The following PTPRT variants were observed in gnomAD, a reference collection of about 807,000 sequenced individuals.
The protein encoded by PTPRT is receptor-type tyrosine-protein phosphatase T.
PTPRT carries 56 observed loss-of-function variants against 176.8 expected under a neutral mutation model. That is an observed-to-expected ratio of 0.32 (90% CI 0.26 to 0.40). The LOEUF is 0.40. Ranked by LOEUF, PTPRT falls within the 10% of genes least tolerant of loss-of-function variation. PTPRT has a pLI of 1.00. For synonymous variants in PTPRT, 783 were observed against 739.0 expected, an observed-to-expected ratio of 1.06 and a Z score of -0.96; for missense variants, 1,540 against 1,908.2, an observed-to-expected ratio of 0.81 and a Z score of 3.60.
intron 13 of PTPRT, among the ~76,000 whole-genome samples, chr20:42,258,051 C>G (rs987115109): frequency 1.1e-4 from 16 of 151,990 alleles, no homozygotes; most frequent in African/African-American, 3.4e-4. Context: ...GGGGAGAGAC[C>G]GTTCAGCAGA....
intron 17 of PTPRT, among the ~76,000 whole-genome samples, chr20:42,149,995 A>G (rs527800421): frequency 6.6e-6 from 1 of 152,284 alleles, no homozygotes; most frequent in African/African-American, 2.4e-5. Context: ...CCATAGGACT[A>G]TGAAACCTAC....
intron 6 of PTPRT, among the ~76,000 whole-genome samples, chr20:42,751,262 C>G (rs979172034): frequency 6.6e-6 from 1 of 152,128 alleles, no homozygotes; most frequent in Non-Finnish European, 1.5e-5. Flanking sequence ...GACCTCCCAA[C>G]TGTGGAGTGG....
intron 8 of PTPRT, among the ~76,000 whole-genome samples, chr20:42,465,651 C>T (rs2071090546): frequency 6.6e-6 from 1 of 151,934 alleles, no homozygotes; most frequent in Admixed American, 6.5e-5. Context: ...GAAAGATCAA[C>T]CAGAAAGGAA....
At chr20:42,644,585 G>A (rs2074844802) in intron 7 of PTPRT, among the ~76,000 whole-genome samples, 1 of 152,096 alleles carries the variant, frequency 6.6e-6, no homozygotes. Flanking sequence ...AGAATAAGGT[G>A]TTTTGCATGG....
chr20:42,580,545 G>T (rs1322233619), intron 7 of PTPRT, among the ~76,000 whole-genome samples: 2 of 149,942 alleles, frequency 1.3e-5, no homozygotes, highest in African/African-American at 4.9e-5. Flanking sequence ...AGCATGGAAT[G>T]TTCTTCCATT....
At chr20:42,105,453 C>A (rs574693325) in intron 24 of PTPRT, among the ~76,000 whole-genome samples, 131 of 152,306 alleles carry the variant, frequency 8.6e-4, no homozygotes, top group African/African-American at 3.0e-3. Context: ...TCCCTCTTTT[C>A]CATACCTTTA....
In PTPRT at chr20:42,838,485, G is replaced by A. The variant is rs143874289; in HGVS notation, c.215-47019C>T. ...GGGAAGCTGGAGATTTCTTTCCTGA[G>A]ATCAATGAAACACTGGACATTGGAG... On this transcript the variant is annotated intron_variant, in intron 2 of 30. Coordinates refer to ENST00000373187, the MANE Select transcript of PTPRT (RefSeq NM_007050.6). 2.0e-3 allele frequency among the ~76,000 whole-genome samples: 307 copies of A among 152,286 alleles called. 1 individual carries two copies. Among genetic ancestry groups the A allele is most frequent in the Non-Finnish European group, 2.5e-3 (171 of 68,018 alleles).
At chr20:43,026,034 G>C (rs144498132) in intron 1 of PTPRT, among the ~76,000 whole-genome samples, 1 of 152,094 alleles carries the variant, frequency 6.6e-6, no homozygotes, top group Non-Finnish European at 1.5e-5. Flanking sequence ...GGGATGAATT[G>C]TGGCCCCCCC....
intron 11 of PTPRT, among the ~76,000 whole-genome samples, chr20:42,347,210 G>A (rs2058207156): frequency 1.3e-5 from 2 of 152,182 alleles, no homozygotes; most frequent in African/African-American, 4.8e-5. Context: ...TAATACAATG[G>A]AAGTAAAGGA....
intron 6 of PTPRT, among the ~76,000 whole-genome samples, chr20:42,752,862 G>A (rs1275791720): frequency 6.6e-6 from 1 of 152,014 alleles, no homozygotes; most frequent in African/African-American, 2.4e-5. Context: ...TGGGTCCCTG[G>A]GCACCCACTC....
intron 1 of PTPRT, among the ~76,000 whole-genome samples, chr20:42,905,635 C>T (rs1169029243): frequency 1.3e-5 from 2 of 152,292 alleles, no homozygotes; most frequent in African/African-American, 2.4e-5. Flanking sequence ...TATTGTGGCA[C>T]TATTCGCAAT....
intron 26 of PTPRT, among the ~76,000 whole-genome samples, chr20:42,098,950 G>T (rs113472091): frequency 2.0e-5 from 3 of 152,354 alleles, no homozygotes; most frequent in African/African-American, 7.2e-5. Context: ...CGAGGTTTTG[G>T]GTCGGCCTGA....
intron 2 of PTPRT, among the ~76,000 whole-genome samples, chr20:42,799,104 G>C (rs1442242522): frequency 3.3e-5 from 5 of 151,612 alleles, no homozygotes; most frequent in Non-Finnish European, 7.4e-5. Context: ...AAAAGAAGGA[G>C]AAAACAAAAG....
In PTPRT at chr20:42,315,308, T is replaced by C. The variant is rs73909273; in HGVS notation, c.2139+415A>G. On this transcript the variant is annotated intron_variant, in intron 12 of 30. Coordinates refer to ENST00000373187, the MANE Select transcript of PTPRT (RefSeq NM_007050.6). ...TATTAATCACTAATCAACTAAACCA[T>C]GATTAGTGCATTCCTAGATAGCAAA... is the stretch of plus-strand genomic sequence containing the variant. Among the ~76,000 whole-genome samples, 630 of 151,932 alleles carry C rather than the reference T, an allele frequency of 4.1e-3. 3 individuals are homozygous for C. Among genetic ancestry groups the C allele is most frequent in the African/African-American group, 0.014 (585 of 41,414 alleles).
At chr20:42,999,450 G>A (rs1207472967) in intron 1 of PTPRT, among the ~76,000 whole-genome samples, 3 of 151,832 alleles carry the variant, frequency 2.0e-5, no homozygotes. Flanking sequence ...GTGGGGGTGG[G>A]GAATAAAATG....
intron 9 of PTPRT, among the ~76,000 whole-genome samples, chr20:42,444,799 A>C (rs974359849): frequency 1.3e-5 from 2 of 152,218 alleles, no homozygotes; most frequent in African/African-American, 4.8e-5. Context: ...CTAATTTTAA[A>C]AATCAAATTG....
chr20:43,085,353 A>AC (rs755066773), intron 1 of PTPRT, among the ~76,000 whole-genome samples: 2 of 151,936 alleles, frequency 1.3e-5, no homozygotes, highest in African/African-American at 2.4e-5. Flanking sequence ...TGACAAAGCC[A>AC]CCCCATCACA....
chr20:42,069,983 T>C (rs1329008743), downstream of PTPRT, among the ~76,000 whole-genome samples: 1 of 152,194 alleles, frequency 6.6e-6, no homozygotes, highest in Non-Finnish European at 1.5e-5. Context: ...TCATTAAATT[T>C]CAAGAGAAAG....
At chr20:42,222,226 A>G (rs1485418436) in intron 15 of PTPRT, among the ~76,000 whole-genome samples, 1 of 152,160 alleles carries the variant, frequency 6.6e-6, no homozygotes, top group Non-Finnish European at 1.5e-5. Flanking sequence ...TTCTTCCTTC[A>G]TATGACCTGT....
Sources: allele counts gnomAD v4.1 joint callset (sites outside exome capture counted in the v4.1 genomes callset), GRCh38; gene constraint gnomAD v4.1.1; transcripts MANE v1.5; gene names NCBI Gene and HGNC (gene_info 2026-07-23, HGNC 2026-07-21).